The following AXIN1 variants were observed in gnomAD, a reference collection of about 807,000 sequenced individuals.
The protein encoded by AXIN1 is axin-1.
A neutral mutation model predicts 76.4 loss-of-function variants in AXIN1; 30 were observed. That is an observed-to-expected ratio of 0.39 (90% CI 0.29 to 0.53). The LOEUF (loss-of-function observed/expected upper bound fraction) is 0.53, where lower values mean the gene tolerates loss of function less well. AXIN1 is among the 20% of genes least tolerant of loss of function. The pLI is 0.66. For missense variants in AXIN1, 1,140 were observed against 1,198.8 expected, an observed-to-expected ratio of 0.95 and a Z score of 0.72; for synonymous variants, 545 against 501.4, an observed-to-expected ratio of 1.09 and a Z score of -1.16.
At chr16:311,488 C>T (rs1009458941) in intron 3 of AXIN1, among the ~76,000 whole-genome samples, 3 of 151,628 alleles carry the variant, frequency 2.0e-5, no homozygotes, top group Admixed American at 6.6e-5. Flanking sequence ...AAGCTGCCTT[C>T]GGGCTGGGCG....
Position 291,253 on chromosome 16 carries a change from G to A in AXIN1, c.2231C>T (p.Pro744Leu), listed in dbSNP as rs2052551938. ...VMRRGRACVR[P>L]ACAPVLHVVP... ...CACGTGCAGCACCGGCGCGCACGCTGGCCTGACGCAGGCGCGTCCCCGCCG... is the reference window on the plus strand; with the variant it reads ...CACGTGCAGCACCGGCGCGCACGCTAGCCTGACGCAGGCGCGTCCCCGCCG... Residue 744 changes from proline to leucine, a missense_variant, in exon 9 of 11, where the codon CCA becomes CTA. Coordinates refer to ENST00000262320, the MANE Select transcript of AXIN1 (RefSeq NM_003502.4). 1.9e-6 allele frequency: 3 copies of A among 1,586,436 alleles called. No homozygotes were observed. Among genetic ancestry groups the A allele is most frequent in the Non-Finnish European group, 2.6e-6 (3 of 1,167,484 alleles).
intron 9 of AXIN1, 154 bp downstream of exon 9, chr16:291,036 C>A (rs992729356): frequency 1.4e-6 from 1 of 728,196 alleles, no homozygotes; most frequent in Non-Finnish European, 2.5e-6. Context: ...CGGGCAGCTT[C>A]GAGTCTGATG....
chr16:338,907 G>A (rs2053858667), intron 2 of AXIN1, among the ~76,000 whole-genome samples: 1 of 151,062 alleles, frequency 6.6e-6, no homozygotes, highest in African/African-American at 2.4e-5. Context: ...TGGGTGACAA[G>A]AGCGAAACTC....
intron 5 of AXIN1, among the ~76,000 whole-genome samples, chr16:300,025 C>T (rs139409755): frequency 0.032 from 4,850 of 152,026 alleles, 87 homozygotes; most frequent in Middle Eastern, 0.065. Context: ...GTGCAATCTC[C>T]GCCTCCCGGG....
At chr16:291,565 G>T in intron 8 of AXIN1, 1 of 536,662 alleles carries the variant, frequency 1.9e-6, no homozygotes, top group Non-Finnish European at 3.4e-6. Context: ...GGGAGCTTCC[G>T]ATCAGGGGTG....
At chr16:337,856 C>T (rs1470342094) in intron 2 of AXIN1, among the ~76,000 whole-genome samples, 1 of 152,250 alleles carries the variant, frequency 6.6e-6, no homozygotes, top group Non-Finnish European at 1.5e-5. Context: ...CTGGGGGCCC[C>T]CTGGACGCCA....
chr16:332,269 A>C (rs1021067856), intron 2 of AXIN1, among the ~76,000 whole-genome samples: 4 of 152,238 alleles, frequency 2.6e-5, no homozygotes, highest in African/African-American at 9.6e-5. Flanking sequence ...TTTAACTTTT[A>C]GAAACAGGAT....
chr16:333,673 G>A (rs912323981), intron 2 of AXIN1, among the ~76,000 whole-genome samples: 1 of 149,260 alleles, frequency 6.7e-6, no homozygotes, highest in Non-Finnish European at 1.5e-5. Context: ...GAAGGTGATG[G>A]TGCAAATTCC....
In AXIN1 at chr16:344,695, G is replaced by T. The variant is rs535120196; in HGVS notation, c.878+1453C>A. On this transcript the variant is annotated intron_variant, in intron 2 of 10. Transcript: ENST00000262320. The stretch of plus-strand genomic sequence containing the variant: ...GTAGAAATGAGGATTCACCACGTTG[G>T]CCAGGATGGTCTCGAACTCCCGACC... 2.6e-5 allele frequency among the ~76,000 whole-genome samples: 4 copies of T among 152,138 alleles called. No individual in the cohort carries two copies. The South Asian group carries it at 8.3e-4, about 32-fold the overall frequency.
intron 1 of AXIN1, among the ~76,000 whole-genome samples, chr16:348,772 C>T (rs925036113): frequency 2.6e-5 from 4 of 152,064 alleles, no homozygotes; most frequent in African/African-American, 9.7e-5. Context: ...CCACTGCACT[C>T]CAGCCTGGGC....
chr16:329,128 A>C (rs2053638673), intron 2 of AXIN1, among the ~76,000 whole-genome samples: 1 of 151,956 alleles, frequency 6.6e-6, no homozygotes, highest in Non-Finnish European at 1.5e-5. Flanking sequence ...AAATATAGAA[A>C]TTAGCCAGGC....
At chr16:329,692 T>C (rs569227680) in intron 2 of AXIN1, among the ~76,000 whole-genome samples, 50 of 152,170 alleles carry the variant, frequency 3.3e-4, no homozygotes, top group Non-Finnish European at 4.6e-4. Context: ...GGCGCAGTCT[T>C]GGCTCACTGC....
chr16:302,355 A>C (rs1346501933), intron 5 of AXIN1, among the ~76,000 whole-genome samples: 4 of 152,262 alleles, frequency 2.6e-5, no homozygotes. Flanking sequence ...CCCTCAGACC[A>C]ACGGCCAGGG....
chr16:339,687 A>G (rs1597109255), intron 2 of AXIN1, among the ~76,000 whole-genome samples: 1 of 152,040 alleles, frequency 6.6e-6, no homozygotes, highest in Non-Finnish European at 1.5e-5. Flanking sequence ...CTAAAAAAAA[A>G]AAAAAATTCT....
intron 2 of AXIN1, among the ~76,000 whole-genome samples, chr16:321,794 T>A (rs993778369): frequency 5.3e-5 from 8 of 152,150 alleles, no homozygotes; most frequent in Non-Finnish European, 8.8e-5. Flanking sequence ...AACCCTCTCA[T>A]AGCTGGGAAT....
chr16:345,249 G>C (rs1317660353), intron 2 of AXIN1, among the ~76,000 whole-genome samples: 3 of 152,162 alleles, frequency 2.0e-5, no homozygotes, highest in Non-Finnish European at 4.4e-5. Flanking sequence ...CCAGGCTGCT[G>C]TGGACTACAC....
At chr16:345,255 T>C (rs1239058071) in intron 2 of AXIN1, among the ~76,000 whole-genome samples, 1 of 152,100 alleles carries the variant, frequency 6.6e-6, no homozygotes, top group Non-Finnish European at 1.5e-5. Flanking sequence ...TGCTGTGGAC[T>C]ACACAACAGC....
chr16:301,973 T>C (rs979526420), intron 5 of AXIN1, among the ~76,000 whole-genome samples: 2 of 152,208 alleles, frequency 1.3e-5, no homozygotes, highest in African/African-American at 2.4e-5. Context: ...CCTGCGGACA[T>C]GTCCATATTC....
chr16:289,897 C>A, intron 9 of AXIN1: 2 of 536,466 alleles, frequency 3.7e-6, no homozygotes, highest in East Asian at 6.6e-5. Flanking sequence ...CAGCTCCCAC[C>A]TCTAGGATGG....
Sources: gnomAD v4.1 joint callset for allele counts (sites outside exome capture counted in the v4.1 genomes callset) on GRCh38, gnomAD v4.1.1 for gene constraint, MANE v1.5 for transcripts, NCBI Gene and HGNC (gene_info 2026-07-23, HGNC 2026-07-21) for gene names.